PTPRM: variants seen among roughly 807,000 people sequenced by gnomAD.
PTPRM encodes the protein receptor-type tyrosine-protein phosphatase mu.
A neutral mutation model predicts 186.7 loss-of-function variants in PTPRM; 47 were observed. That is an observed-to-expected ratio of 0.25 (90% CI 0.20 to 0.32). The LOEUF is 0.32. Among genes scored for constraint, PTPRM ranks in the 10% least tolerant of loss-of-function variants. The pLI is 1.00. For synonymous variants in PTPRM, 668 were observed against 674.9 expected (o/e 0.99, Z 0.16); for missense variants, 1,494 against 1,865.0 (o/e 0.80, Z 3.66).
At position 7,842,947 on chromosome 18, in the gene PTPRM, T is replaced by TATATATATATATAGAGAG. The variant is rs370746043; in HGVS notation, c.197-45158_197-45157insTATATATATATAGAGAGA. ...GTGTGTGTGTATATATATATATATATAGAGAGAGAGAGAGAGAGAGAGAGA... is the reference window on the plus strand; with the variant it reads ...GTGTGTGTGTATATATATATATATATATATATATATATAGAGAGAGAGAGAGAGAGAGAGAGAGAGAGA... On this transcript the variant is annotated intron_variant, in intron 2 of 32. Transcript: ENST00000580170. Among the ~76,000 whole-genome samples, 48 of 112,104 alleles carry TATATATATATATAGAGAG rather than the reference T, an allele frequency of 4.3e-4. 2 individuals are homozygous for TATATATATATATAGAGAG. Among genetic ancestry groups the TATATATATATATAGAGAG allele is most frequent in the East Asian group, 1.9e-3 (6 of 3,208 alleles). The allele number at this position is 112,104 out of a possible 152,430, so 73.5% of individuals were successfully genotyped here.
chr18:7,715,261 G>A (rs1354728684), intron 1 of PTPRM, among the ~76,000 whole-genome samples: 1 of 152,150 alleles, frequency 6.6e-6, no homozygotes, highest in African/African-American at 2.4e-5. Flanking sequence ...AAAACCACAT[G>A]ATTATGTCAA....
intron 9 of PTPRM, among the ~76,000 whole-genome samples, chr18:8,079,725 T>C (rs1467831092): frequency 6.6e-6 from 1 of 152,098 alleles, no homozygotes; most frequent in Non-Finnish European, 1.5e-5. Context: ...TTGTTATATA[T>C]TTTTCTAAGC....
intron 14 of PTPRM, among the ~76,000 whole-genome samples, chr18:8,171,597 G>T (rs1958004160): frequency 6.6e-6 from 1 of 152,134 alleles, no homozygotes; most frequent in Admixed American, 6.6e-5. Context: ...TCCATGTCCT[G>T]TGTTCATTTA....
At chr18:8,356,480 C>G (rs933443368) in intron 23 of PTPRM, among the ~76,000 whole-genome samples, 1 of 152,150 alleles carries the variant, frequency 6.6e-6, no homozygotes, top group Non-Finnish European at 1.5e-5. Flanking sequence ...CAGGCGTGGA[C>G]ACACTTAAAT....
intron 19 of PTPRM, among the ~76,000 whole-genome samples, chr18:8,262,338 C>G (rs1449218203): frequency 6.6e-6 from 1 of 152,208 alleles, no homozygotes; most frequent in Non-Finnish European, 1.5e-5. Flanking sequence ...TTGACTGATG[C>G]TGAAAACTAT....
chr18:8,085,539 G>C, intron 9 of PTPRM, 132 bp from the exon 10 acceptor site: 1 of 764,140 alleles, frequency 1.3e-6, no homozygotes, highest in Non-Finnish European at 2.1e-6. Context: ...GTGGATTCAG[G>C]ATTTCAAGAG....
rs139161982 is a variant in PTPRM at position 7,859,821 on chromosome 18, A to G, written c.197-28285A>G. On this transcript the variant is annotated intron_variant, in intron 2 of 32. Transcript: ENST00000580170. ...TACTCTGATCTGCTGTGCCTGTGAAAACCGTGGCCAGGTCAGTAACCAACC... is the reference window on the plus strand; with the variant it reads ...TACTCTGATCTGCTGTGCCTGTGAAGACCGTGGCCAGGTCAGTAACCAACC... Among the ~76,000 whole-genome samples, 376 of 152,190 alleles carry G rather than the reference A, an allele frequency of 2.5e-3. 3 individuals are homozygous for G. Among genetic ancestry groups the G allele is most frequent in the African/African-American group, 8.2e-3 (341 of 41,520 alleles).
chr18:8,152,477 G>T (rs1285965675), intron 14 of PTPRM, among the ~76,000 whole-genome samples: 3 of 152,060 alleles, frequency 2.0e-5, no homozygotes, highest in African/African-American at 7.2e-5. Flanking sequence ...GCGCATCCCT[G>T]GTCTTTGGTC....
chr18:8,176,056 C>T (rs951153603), intron 14 of PTPRM, among the ~76,000 whole-genome samples: 1 of 152,000 alleles, frequency 6.6e-6, no homozygotes, highest in African/African-American at 2.4e-5. Flanking sequence ...GCAGTATTCA[C>T]AAAGTATTAA....
At chr18:8,353,427 T>C (rs936962762) in intron 23 of PTPRM, among the ~76,000 whole-genome samples, 1 of 151,852 alleles carries the variant, frequency 6.6e-6, no homozygotes, top group Admixed American at 6.6e-5. Context: ...TGGAGACACG[T>C]TTAGGAGGTT....
chr18:8,324,150 A>C (rs2095362026), intron 22 of PTPRM, among the ~76,000 whole-genome samples: 1 of 152,228 alleles, frequency 6.6e-6, no homozygotes. Flanking sequence ...GGTTAACAAA[A>C]TGTCACAGAT....
In PTPRM at chr18:8,054,508, A is replaced by G. The variant is rs77038327; in HGVS notation, c.1133-15178A>G. 4.8e-3 allele frequency among the ~76,000 whole-genome samples: 729 copies of G among 151,258 alleles called. 22 individuals carry two copies. The East Asian group carries it at 0.1, about 21-fold the overall frequency. ...TTACTGAAGGTATTATCCTATGGCT[A>G]TCTGTATAGTGATTACCCTAGAGAG... On this transcript the variant is annotated intron_variant, in intron 7 of 32. Transcript: ENST00000580170.
chr18:8,004,913 A>G (rs2147803908), intron 7 of PTPRM, among the ~76,000 whole-genome samples: 1 of 152,216 alleles, frequency 6.6e-6, no homozygotes, highest in African/African-American at 2.4e-5. Context: ...TTTTCCCTCA[A>G]ATGGTTCCCC....
intron 1 of PTPRM, among the ~76,000 whole-genome samples, chr18:7,733,247 C>A (rs764090363): frequency 6.6e-6 from 1 of 152,038 alleles, no homozygotes; most frequent in Non-Finnish European, 1.5e-5. Context: ...GCCCCCCACC[C>A]TCCAACAGGC....
intron 14 of PTPRM, among the ~76,000 whole-genome samples, chr18:8,185,131 C>G (rs1419643871): frequency 6.6e-6 from 1 of 151,418 alleles, no homozygotes; most frequent in African/African-American, 2.4e-5. Context: ...ATTAAACCCA[C>G]TAATTTCATC....
intron 29 of PTPRM, among the ~76,000 whole-genome samples, chr18:8,380,763 A>G (rs2095728816): frequency 6.6e-6 from 1 of 152,234 alleles, no homozygotes; most frequent in African/African-American, 2.4e-5. Flanking sequence ...GAACCTGAAC[A>G]TCGCAGAGCC....
At chr18:8,393,760 A>T (rs1382259592) in intron 31 of PTPRM, among the ~76,000 whole-genome samples, 1 of 147,472 alleles carries the variant, frequency 6.8e-6, no homozygotes, top group Non-Finnish European at 1.5e-5. Context: ...TTATAGATAA[A>T]TAATGAAATG....
chr18:8,205,950 A>G (rs181480449), intron 14 of PTPRM, among the ~76,000 whole-genome samples: 46 of 152,294 alleles, frequency 3.0e-4, no homozygotes, highest in African/African-American at 1.1e-3. Context: ...CTTTGGTGGC[A>G]GCGTGTGAGG....
chr18:7,913,573 G>C (rs1434979694), intron 4 of PTPRM, among the ~76,000 whole-genome samples: 1 of 152,056 alleles, frequency 6.6e-6, no homozygotes, highest in African/African-American at 2.4e-5. Context: ...TTCTCTATCA[G>C]ATTATTATGT....
Sources: gnomAD v4.1 joint callset for allele counts (sites outside exome capture counted in the v4.1 genomes callset) on GRCh38, gnomAD v4.1.1 for gene constraint, MANE v1.5 for transcripts, NCBI Gene and HGNC (gene_info 2026-07-23, HGNC 2026-07-21) for gene names.